Variants in GPRASP2 observed in about 807,000 individuals in gnomAD.
GPRASP2 encodes the protein G protein-coupled receptor-associated sorting protein 2.
Under a neutral mutation model 36.0 loss-of-function variants are expected in GPRASP2, and 10 were observed. That is an observed-to-expected ratio of 0.28 (90% CI 0.17 to 0.47). The LOEUF (loss-of-function observed/expected upper bound fraction) is 0.47. Among genes scored for constraint, GPRASP2 ranks in the 20% least tolerant of loss-of-function variants. The pLI, the probability that GPRASP2 is intolerant of heterozygous loss-of-function variation, is 0.99. For missense variants in GPRASP2, 538 were observed against 626.7 expected (o/e 0.86, Z 1.51); for synonymous variants, 219 against 230.5 (o/e 0.95, Z 0.45).
In GPRASP2 at chrX:102,717,360, G is replaced by A; in HGVS notation, c.2491G>A (p.Asp831Asn). The change falls in exon 5 of 5, where the codon GAT becomes AAT. Residue 831 changes from aspartate (D) to asparagine (N), a missense_variant. Asp to Asn is a conservative substitution (Grantham distance 23, BLOSUM62 1). Transcript: ENST00000483720. ...ACAAGCCCAAATAGACAACCAAAAT[G>A]ATCCTGAGGTGGGACAACAAAGTTA... is the stretch of plus-strand genomic sequence containing the variant. ...QLQAQIDNQN[D>N]PEVGQQS The A allele has an allele frequency of 1.9e-6, 2 of 1,076,892 alleles. No individual in the cohort carries two copies. Among genetic ancestry groups the A allele is most frequent in the Non-Finnish European group, 2.4e-6 (2 of 827,739 alleles). 88.7% of individuals were successfully genotyped at this position (1,076,892 alleles called of 1,213,427 possible). A position where few individuals can be genotyped will look rare whatever the true frequency, so the allele number is the denominator to read the frequency against.
Position 102,713,216 on chromosome X carries a change from A to C in GPRASP2, c.-481A>C, listed in dbSNP as rs913720528. On this transcript the variant is annotated splice_region_variant and 5_prime_UTR_variant, in exon 2 of 5. Transcript: ENST00000483720. ...GCACGAATATTGCCTGGATTTCTGG[A>C]GGTGTGTGGGGATGGGGGTTGGGCG... The C allele has an allele frequency of 8.9e-6, 1 of 111,880 alleles. No individual in the cohort carries two copies. Among genetic ancestry groups the C allele is most frequent in the African/African-American group, 3.3e-5 (1 of 30,718 alleles). The allele number at this position is 111,880 out of a possible 1,213,427, so 9.2% of individuals were successfully genotyped here.
In GPRASP2 at chrX:102,715,156, C is replaced by T. The variant is rs759762709; in HGVS notation, c.287C>T (p.Ala96Val). 2.0e-5 allele frequency: 24 copies of T among 1,211,600 alleles called. No homozygotes were observed. The highest frequency in any genetic ancestry group is 2.7e-5 in the Non-Finnish European group (24 of 895,545). The change falls in exon 5 of 5, where the codon GCC (alanine) becomes GTC (valine). Residue 96 changes from alanine (A) to valine (V), a missense_variant. Physicochemically the swap from Ala to Val is moderately conservative, Grantham distance 64. Transcript: ENST00000483720. ...PKTEAQGITG[A>V]RPKTDARAVG... ...ACGGAGGCTCAAGGAATCACAGGGG[C>T]CAGGCCCAAAACCGATGCCAGGGCA...
At position 102,716,543 on chromosome X, in the gene GPRASP2, T is replaced by C; in HGVS notation, c.1674T>C (p.Asp558=). The C allele has an allele frequency of 8.3e-7, 1 of 1,211,860 alleles. No individual in the cohort carries two copies. Among genetic ancestry groups the C allele is most frequent in the Non-Finnish European group, 1.1e-6 (1 of 895,592 alleles). The change falls in exon 5 of 5, where the codon GAT becomes GAC. Residue 558 remains aspartate (D), a synonymous_variant. Coordinates refer to ENST00000483720, the MANE Select transcript of GPRASP2 (RefSeq NM_001004051.4). ...GTCCTGAGTTCACATTTCAGTATGA[T>C]CCTTCCTACCGGTCAGTCCGGGAAA... ...QPSPEFTFQY[D]PSYRSVREIR...
Position 102,714,802 on chromosome X carries a change from A to T in GPRASP2, c.-68A>T. 8.7e-7 allele frequency: 1 copy of T among 1,149,837 alleles called. No homozygotes were observed. Among genetic ancestry groups the T allele is most frequent in the Non-Finnish European group, 1.2e-6 (1 of 865,910 alleles). 94.8% of individuals were successfully genotyped at this position (1,149,837 alleles called of 1,213,427 possible). On this transcript the variant is annotated 5_prime_UTR_variant, in exon 5 of 5. Transcript: ENST00000483720. ...CAGAGTGTGAAGAAACAAACCTGTG[A>T]CAGATCTGTGGTTGAGGTTTAGACT...
rs2081982390 is a variant in GPRASP2 at position 102,717,515 on chromosome X, CTT to C, written c.*130_*131del. ...ATGCTGATGTTAACTTTGTCAAACT[CTT>C]GTTTTGAGCTGGATCATTTTGTGGA... On this transcript the variant is annotated 3_prime_UTR_variant, in exon 5 of 5. Coordinates refer to ENST00000483720, the MANE Select transcript of GPRASP2 (RefSeq NM_001004051.4). 3 of 910,414 alleles carry C rather than the reference CTT, an allele frequency of 3.3e-6. No individual in the cohort carries two copies. In the East Asian group the frequency reaches 1.2e-4, roughly 37 times the overall value. The allele number at this position is 910,414 out of a possible 1,213,427, so 75.0% of individuals were successfully genotyped here.
In GPRASP2 at chrX:102,714,945, C is replaced by G. The variant is rs767295542; in HGVS notation, c.76C>G (p.Pro26Ala). The change falls in exon 5 of 5, where the codon CCT (proline) becomes GCT (alanine). Residue 26 changes from proline to alanine, a missense_variant. Around this residue, in one of 2 missense-constraint regions of GPRASP2, gnomAD observed 276 missense variants for 275.0 expected, o/e 1.00. Coordinates refer to ENST00000483720, the MANE Select transcript of GPRASP2 (RefSeq NM_001004051.4). ...KKAGEEVIAG[P>A]ERENDVPLVV... Reference sequence around the variant, plus strand: ...GGCTGGGGAAGAGGTTATCGCTGGGCCTGAGAGAGAGAATGATGTCCCTCT... The same window carrying G: ...GGCTGGGGAAGAGGTTATCGCTGGGGCTGAGAGAGAGAATGATGTCCCTCT... The G allele has an allele frequency of 1.6e-6, 2 of 1,212,307 alleles. No individual in the cohort carries two copies. Among genetic ancestry groups the G allele is most frequent in the Non-Finnish European group, 2.2e-6 (2 of 895,642 alleles).
In GPRASP2 at chrX:102,716,310, G is replaced by T; in HGVS notation, c.1441G>T (p.Glu481Ter). The T allele has an allele frequency of 8.3e-7, 1 of 1,212,025 alleles. No individual in the cohort carries two copies. Among genetic ancestry groups the T allele is most frequent in the Non-Finnish European group, 1.1e-6 (1 of 895,621 alleles). Residue 481 changes from glutamate (E) to a stop codon, truncating the protein, a stop_gained, in exon 5 of 5, where the codon GAG becomes TAG. Coordinates refer to ENST00000483720, the MANE Select transcript of GPRASP2 (RefSeq NM_001004051.4). LOFTEE classifies it high-confidence loss of function. The stretch of plus-strand genomic sequence containing the variant: ...TGATAGGTTCAGAGATGCAGCTGAG[G>T]AGCTTAATGCATCCTCCAGGCCCCA... ...VSDRFRDAAE[E>*]LNASSRPQTW...
Position 102,716,572 on chromosome X carries a change from G to A in GPRASP2, c.1703G>A (p.Arg568Gln), listed in dbSNP as rs931798164. 3 of 1,212,007 alleles carry A rather than the reference G, an allele frequency of 2.5e-6. No homozygotes were observed. The highest frequency in any genetic ancestry group is 2.2e-6 in the Non-Finnish European group (2 of 895,597). ...TCCTACCGGTCAGTCCGGGAAATTC[G>A]AGAGCATCTTAGGGCCAGGGAGAGT... is the stretch of plus-strand genomic sequence containing the variant. ...DPSYRSVREI[R>Q]EHLRARESAE... The change falls in exon 5 of 5, where the codon CGA (arginine) becomes CAA (glutamine). Residue 568 changes from arginine to glutamine, a missense_variant. Physicochemically the swap from Arg to Gln is conservative, Grantham distance 43. This residue lies in a region of GPRASP2 where 262 missense variants were observed against 351.7 expected (regional missense o/e 0.74). Transcript: ENST00000483720.
Position 102,715,892 on chromosome X carries a change from G to A in GPRASP2, c.1023G>A (p.Leu341=), listed in dbSNP as rs1359533036. 1 of 1,210,212 alleles carries A rather than the reference G, an allele frequency of 8.3e-7. No homozygotes were observed. Among genetic ancestry groups the A allele is most frequent in the African/African-American group, 1.7e-5 (1 of 57,189 alleles). Residue 341 remains leucine, a synonymous_variant, in exon 5 of 5, where the codon TTG becomes TTA. Transcript: ENST00000483720. ...AGTTCTATAAGCAGTCCTGGGTTTTGCCTGGAGAAGAGGCCAATAGTAGAT... is the reference window on the plus strand; with the variant it reads ...AGTTCTATAAGCAGTCCTGGGTTTTACCTGGAGAAGAGGCCAATAGTAGAT... The part of the protein sequence containing the change: ...EDEFYKQSWV[L]PGEEANSRFR...
intron 1 of GPRASP2, among the ~76,000 whole-genome samples, 195 bp downstream of exon 1, chrX:102,712,747 C>G (rs1353154102): frequency 8.9e-6 from 1 of 112,760 alleles, no homozygotes; most frequent in Non-Finnish European, 1.9e-5. Flanking sequence ...GCGGGCCTGG[C>G]CAAGGGCTGA....
chrX:102,714,762 T>C lies in GPRASP2; in HGVS notation c.-108T>C, dbSNP rs781657508. The C allele has an allele frequency of 5.4e-6, 6 of 1,110,918 alleles. No individual in the cohort carries two copies. In the Admixed American group the frequency reaches 9.1e-5, roughly 17 times the overall value. 91.6% of individuals were successfully genotyped at this position (1,110,918 alleles called of 1,213,427 possible). A position where few individuals can be genotyped will look rare whatever the true frequency, so the allele number is the denominator to read the frequency against. ...ACTCTTATTCCCAAGCTTATATCCT[T>C]AATCACCTAAAGATCAGAGTGTGAA... On this transcript the variant is annotated 5_prime_UTR_variant, in exon 5 of 5. Coordinates refer to ENST00000483720, the MANE Select transcript of GPRASP2 (RefSeq NM_001004051.4).
At position 102,717,081 on chromosome X, in the gene GPRASP2, G is replaced by A. The variant is rs1022245994; in HGVS notation, c.2212G>A (p.Val738Ile). 6 of 1,204,706 alleles carry A rather than the reference G, an allele frequency of 5.0e-6. No homozygotes were observed. The highest frequency in any genetic ancestry group is 4.4e-5 in the Admixed American group (2 of 45,876). ...AGCCAATGCGAGAACGAAGTTTCACGTTCTGAAAATGCTATTGAATTTGTC... is the reference window on the plus strand; with the variant it reads ...AGCCAATGCGAGAACGAAGTTTCACATTCTGAAAATGCTATTGAATTTGTC... ...TTANARTKFHVLKMLLNLSEN... is the reference protein window; with the variant it reads ...TTANARTKFHILKMLLNLSEN... Residue 738 changes from valine to isoleucine, a missense_variant, in exon 5 of 5, where the codon GTT (valine) becomes ATT (isoleucine). Val to Ile is a conservative substitution (Grantham distance 29). Around this residue, in one of 2 missense-constraint regions of GPRASP2, gnomAD observed 262 missense variants for 351.7 expected, o/e 0.74. Coordinates refer to ENST00000483720, the MANE Select transcript of GPRASP2 (RefSeq NM_001004051.4).
At position 102,715,097 on chromosome X, in the gene GPRASP2, T is replaced by G. The variant is rs768366128; in HGVS notation, c.228T>G (p.Thr76=). 2 of 1,212,404 alleles carry G rather than the reference T, an allele frequency of 1.6e-6. No homozygotes were observed. The highest frequency in any genetic ancestry group is 2.2e-6 in the Non-Finnish European group (2 of 895,620). ...AQAMSGARPK[T]EVQVMGGARP... The stretch of plus-strand genomic sequence containing the variant: ...CAATGTCTGGGGCAAGGCCCAAAAC[T>G]GAGGTCCAAGTAATGGGTGGTGCAA... The change falls in exon 5 of 5, where the codon ACT becomes ACG. Residue 76 remains threonine (T), a synonymous_variant. Coordinates refer to ENST00000483720, the MANE Select transcript of GPRASP2 (RefSeq NM_001004051.4).
rs1204764238 is a variant in GPRASP2, at chrX:102,716,298, G to C, written c.1429G>C (p.Asp477His). 1 of 1,211,998 alleles carries C rather than the reference G, an allele frequency of 8.3e-7. No homozygotes were observed. Among genetic ancestry groups the C allele is most frequent in the Admixed American group, 2.2e-5 (1 of 46,059 alleles). The change falls in exon 5 of 5, where the codon GAT (aspartate) becomes CAT (histidine). Residue 477 changes from aspartate (D) to histidine (H), a missense_variant. Asp to His is a moderately conservative substitution (Grantham distance 81, BLOSUM62 -1). Coordinates refer to ENST00000483720, the MANE Select transcript of GPRASP2 (RefSeq NM_001004051.4). ...PVYKVSDRFR[D>H]AAEELNASSR... ...GTACAAGGTCAGTGATAGGTTCAGA[G>C]ATGCAGCTGAGGAGCTTAATGCATC... is the stretch of plus-strand genomic sequence containing the variant.
chrX:102,714,473 C>A, intron 4 of GPRASP2, 64 bp from the exon 5 acceptor site: 1 of 137,335 alleles, frequency 7.3e-6, no homozygotes, highest in Non-Finnish European at 1.5e-5. Flanking sequence ...CAACATCAGT[C>A]GCACTGCATA....
At chrX:102,712,866 C>G (rs1028736350) in intron 1 of GPRASP2, among the ~76,000 whole-genome samples, 14 of 112,835 alleles carry the variant, frequency 1.2e-4, no homozygotes, top group South Asian at 3.6e-4. Flanking sequence ...TGTCTGTGCC[C>G]GGAGAGGGCT....
chrX:102,712,948 G>A (rs987913520), intron 1 of GPRASP2, 182 bp from the exon 2 acceptor site: 1 of 112,708 alleles, frequency 8.9e-6, no homozygotes, highest in African/African-American at 3.2e-5. Context: ...GGCCGTTGGG[G>A]GGCGCCCGGC....
chrX:102,717,232 G>A lies in GPRASP2; in HGVS notation c.2363G>A (p.Ser788Asn). The change falls in exon 5 of 5, where the codon AGT (serine) becomes AAT (asparagine). Residue 788 changes from serine to asparagine, a missense_variant. By Grantham distance (46) the Ser-to-Asn change is conservative. Around this residue, in one of 2 missense-constraint regions of GPRASP2, gnomAD observed 262 missense variants for 351.7 expected, o/e 0.74. Transcript: ENST00000483720. Reference sequence around the variant, plus strand: ...GTTATTAAAATGTTTCAGAATATCAGTAACATTATAAAAAGTGGAAAGATG... The same window carrying A: ...GTTATTAAAATGTTTCAGAATATCAATAACATTATAAAAAGTGGAAAGATG... The part of the protein sequence containing the change: ...QIVIKMFQNI[S>N]NIIKSGKMSL... 9.0e-7 allele frequency: 1 copy of A among 1,112,569 alleles called. No homozygotes were observed. Among genetic ancestry groups the A allele is most frequent in the Non-Finnish European group, 1.2e-6 (1 of 846,640 alleles). 91.7% of individuals were successfully genotyped at this position (1,112,569 alleles called of 1,213,427 possible). A position where few individuals can be genotyped will look rare whatever the true frequency, so the allele number is the denominator to read the frequency against.
At position 102,715,192 on chromosome X, in the gene GPRASP2, C is replaced by T; in HGVS notation, c.323C>T (p.Ala108Val). 8.2e-7 allele frequency: 1 copy of T among 1,212,519 alleles called. No homozygotes were observed. The highest frequency in any genetic ancestry group is 1.1e-6 in the Non-Finnish European group (1 of 895,664). ...ACCGATGCCAGGGCAGTAGGTGGCG[C>T]TCGTTCTAAAACTGATGCCAAGGCA... ...PKTDARAVGG[A>V]RSKTDAKAIP... is the part of the protein sequence containing the mutation. The change falls in exon 5 of 5, where the codon GCT becomes GTT. Residue 108 changes from alanine to valine, a missense_variant. Ala to Val is a moderately conservative substitution (Grantham distance 64). Around this residue, in one of 2 missense-constraint regions of GPRASP2, gnomAD observed 276 missense variants for 275.0 expected, o/e 1.00. Coordinates refer to ENST00000483720, the MANE Select transcript of GPRASP2 (RefSeq NM_001004051.4).
Sources: allele counts gnomAD v4.1 joint callset (sites outside exome capture counted in the v4.1 genomes callset), GRCh38; gene constraint gnomAD v4.1.1; regional missense constraint gnomAD v4.1.1; transcripts MANE v1.5; gene names NCBI Gene and HGNC (gene_info 2026-07-23, HGNC 2026-07-21).